The following CHDH variants were observed in gnomAD, a reference collection of about 807,000 sequenced individuals.
CHDH encodes choline dehydrogenase, mitochondrial.
CHDH carries 43 observed loss-of-function variants against 56.9 expected under a neutral mutation model. That is an observed-to-expected ratio of 0.76 (90% CI 0.59 to 0.97). The LOEUF is 0.97. Among genes scored for constraint, CHDH ranks in the 50% least tolerant of loss-of-function variants. CHDH has a pLI of 0.00. For synonymous variants in CHDH, 364 were observed against 348.5 expected (o/e 1.04, Z -0.50); for missense variants, 816 against 821.1 (o/e 0.99, Z 0.08).
intron 5 of CHDH, 53 bp downstream of exon 5, chr3:53,821,594 G>A (rs909168153): frequency 4.6e-6 from 7 of 1,536,050 alleles, no homozygotes; most frequent in Middle Eastern, 3.4e-4. Flanking sequence ...CATACACTAA[G>A]CCTTTTGTTG....
chr3:53,820,148 C>T (rs1418170736), intron 6 of CHDH, among the ~76,000 whole-genome samples: 1 of 152,232 alleles, frequency 6.6e-6, no homozygotes, highest in African/African-American at 2.4e-5. Flanking sequence ...TCTCCTGGCT[C>T]CTTGGACCTC....
chr3:53,842,191 A>G (rs6801605), intron 1 of CHDH, among the ~76,000 whole-genome samples: 96,336 of 151,918 alleles, frequency 0.63, 30,684 homozygotes, highest in South Asian at 0.74. Flanking sequence ...TAGTGATTTT[A>G]TCAAGTTCAC....
At chr3:53,834,309 A>C (rs1340380068) in intron 2 of CHDH, among the ~76,000 whole-genome samples, 2 of 152,140 alleles carry the variant, frequency 1.3e-5, no homozygotes, top group African/African-American at 2.4e-5. Context: ...TTAGCCAGGC[A>C]TAATAAGGCA....
At chr3:53,843,188 C>CTTTTTTTTTT (rs10636132) in intron 1 of CHDH, among the ~76,000 whole-genome samples, 2 of 125,186 alleles carry the variant, frequency 1.6e-5, no homozygotes, top group Non-Finnish European at 3.2e-5. Flanking sequence ...CCCCCCCCAC[C>CTTTTTTTTTT]TTTTTTTTTT....
In CHDH at chr3:53,817,727, C is replaced by G; in HGVS notation, c.*50G>C. The G allele has an allele frequency of 6.6e-7, 1 of 1,514,838 alleles. No individual in the cohort carries two copies. The highest frequency in any genetic ancestry group is 8.9e-7 in the Non-Finnish European group (1 of 1,122,362). 93.8% of individuals were successfully genotyped at this position (1,514,838 alleles called of 1,614,324 possible). On this transcript the variant is annotated 3_prime_UTR_variant, in exon 9 of 9. Coordinates refer to ENST00000315251, the MANE Select transcript of CHDH (RefSeq NM_018397.5). ...CCTGGGAGCAAGGGCTGTGCTGGCCCTCTTGGCTTATCAGGGGGCTTCCCT... is the reference window on the plus strand; with the variant it reads ...CCTGGGAGCAAGGGCTGTGCTGGCCGTCTTGGCTTATCAGGGGGCTTCCCT...
chr3:53,836,100 CTGTGGTG>C (rs1698485940), intron 2 of CHDH, among the ~76,000 whole-genome samples: 2 of 152,222 alleles, frequency 1.3e-5, no homozygotes, highest in Non-Finnish European at 2.9e-5. Flanking sequence ...ATACCCAGCC[CTGTGGTG>C]GGCTGAGGGG....
At chr3:53,818,370 T>G (rs887092333) in intron 8 of CHDH, among the ~76,000 whole-genome samples, 175 bp from the exon 9 acceptor site, 1 of 152,182 alleles carries the variant, frequency 6.6e-6, no homozygotes, top group African/African-American at 2.4e-5. Flanking sequence ...CACAGCGGGT[T>G]AGACTGTACC....
chr3:53,825,536 G>A (rs1274377078), intron 2 of CHDH, among the ~76,000 whole-genome samples: 1 of 152,074 alleles, frequency 6.6e-6, no homozygotes, highest in Non-Finnish European at 1.5e-5. Context: ...GGGGAAGAGA[G>A]AAAAAACAAC....
chr3:53,822,965 T>C (rs2095630695), intron 3 of CHDH, among the ~76,000 whole-genome samples: 1 of 152,156 alleles, frequency 6.6e-6, no homozygotes, highest in Non-Finnish European at 1.5e-5. Flanking sequence ...TCTGTCCTGC[T>C]GTGAGCAAGG....
chr3:53,840,446 T>C (rs2106985916), intron 2 of CHDH, among the ~76,000 whole-genome samples: 1 of 152,096 alleles, frequency 6.6e-6, no homozygotes, highest in Non-Finnish European at 1.5e-5. Flanking sequence ...GAGGATTGCT[T>C]GAGCCCAGGA....
chr3:53,843,784 C>T lies in CHDH; in HGVS notation c.-131+2299G>A, dbSNP rs201523863. ...AGAAGGTCAGAAAATGTCCAAAGGT[C>T]GCTTCTCTCATAGACTCAAATCACT... On this transcript the variant is annotated intron_variant, in intron 1 of 8. Transcript: ENST00000315251. Among the ~76,000 whole-genome samples the T allele has an allele frequency of 1.8e-4, 28 of 152,170 alleles. 1 individual carries two copies. In the East Asian group the frequency reaches 1.9e-3, roughly 11 times the overall value.
At chr3:53,828,915 G>C (rs1698242116) in intron 2 of CHDH, among the ~76,000 whole-genome samples, 1 of 152,168 alleles carries the variant, frequency 6.6e-6, no homozygotes, top group Non-Finnish European at 1.5e-5. Context: ...CAAAGGAACT[G>C]AAAACTATGT....
intron 2 of CHDH, among the ~76,000 whole-genome samples, chr3:53,831,713 T>C (rs1301581713): frequency 6.6e-6 from 1 of 151,972 alleles, no homozygotes; most frequent in Non-Finnish European, 1.5e-5. Flanking sequence ...AAATAGAAAA[T>C]GGCCAAAGGA....
chr3:53,843,816 C>T (rs1410967501), intron 1 of CHDH, among the ~76,000 whole-genome samples: 1 of 152,150 alleles, frequency 6.6e-6, no homozygotes, highest in African/African-American at 2.4e-5. Context: ...CACTTCATCG[C>T]CCCTATCACC....
At chr3:53,838,467 C>A (rs1315749206) in intron 2 of CHDH, among the ~76,000 whole-genome samples, 1 of 152,084 alleles carries the variant, frequency 6.6e-6, no homozygotes, top group South Asian at 2.1e-4. Context: ...CAGAGGGCCT[C>A]GGGTGAAAGT....
rs557197311 is a variant in CHDH at position 53,823,950 on chromosome 3, C to CCCAGGGCTCCCCGTG, written c.44_58dup (p.Ala15_Leu19dup). ...CCGGGCACCCAGGGATTGCTGCTGC[C>CCCAGGGCTCCCCGTG]CCAGGGCTCCCCGTGCCAGGGCTCC... On this transcript the variant is annotated inframe_insertion, in exon 3 of 9. Coordinates refer to ENST00000315251, the MANE Select transcript of CHDH (RefSeq NM_018397.5). The CCCAGGGCTCCCCGTG allele has an allele frequency of 9.2e-6, 14 of 1,527,464 alleles. No homozygotes were observed. Among genetic ancestry groups the CCCAGGGCTCCCCGTG allele is most frequent in the African/African-American group, 8.3e-5 (6 of 72,198 alleles). 94.6% of individuals were successfully genotyped at this position (1,527,464 alleles called of 1,614,324 possible).
chr3:53,821,385 G>A (rs1213406257), intron 5 of CHDH, among the ~76,000 whole-genome samples: 1 of 151,604 alleles, frequency 6.6e-6, no homozygotes, highest in Non-Finnish European at 1.5e-5. Flanking sequence ...CTTCAGGGCA[G>A]ATACTCCCTG....
chr3:53,837,626 ACTGT>A (rs1698538329), intron 2 of CHDH, among the ~76,000 whole-genome samples: 1 of 151,898 alleles, frequency 6.6e-6, no homozygotes, highest in Admixed American at 6.6e-5. Flanking sequence ...CTGCTGCCCC[ACTGT>A]GGGTGCTTCC....
At position 53,817,691 on chromosome 3, in the gene CHDH, T is replaced by G. The variant is rs2095618221; in HGVS notation, c.*86A>C. 5 of 1,203,652 alleles carry G rather than the reference T, an allele frequency of 4.2e-6. No homozygotes were observed. The highest frequency in any genetic ancestry group is 2.6e-5 in the Admixed American group (1 of 38,644). The allele number at this position is 1,203,652 out of a possible 1,614,324, so 74.6% of individuals were successfully genotyped here. A position where few individuals can be genotyped will look rare whatever the true frequency, so the allele number is the denominator to read the frequency against. ...CTGGGTCCTAGTGTGCTAGATAGTT[T>G]CAGGCAGGAGCCTGGGAGCAAGGGC... On this transcript the variant is annotated 3_prime_UTR_variant, in exon 9 of 9. Coordinates refer to ENST00000315251, the MANE Select transcript of CHDH (RefSeq NM_018397.5).
Sources: allele counts gnomAD v4.1 joint callset (sites outside exome capture counted in the v4.1 genomes callset), GRCh38; gene constraint gnomAD v4.1.1; transcripts MANE v1.5; gene names NCBI Gene and HGNC (gene_info 2026-07-23, HGNC 2026-07-21).